The following AIM2 variants were observed in gnomAD, a reference collection of about 807,000 sequenced individuals.
AIM2 encodes the protein absent in melanoma 2.
Under a neutral mutation model 27.7 loss-of-function variants are expected in AIM2, and 30 were observed. The ratio of observed to expected loss-of-function variants is 1.08; its 90% CI spans 0.81 to 1.47. The LOEUF is 1.47. AIM2 is among the 40% of genes most tolerant of loss of function. AIM2 has a pLI of 0.00. For missense variants in AIM2, 358 were observed against 411.3 expected, an observed-to-expected ratio of 0.87 and a Z score of 1.12; for synonymous variants, 141 against 145.3, an observed-to-expected ratio of 0.97 and a Z score of 0.21.
intron 1 of AIM2, among the ~76,000 whole-genome samples, chr1:159,139,660 G>T (rs1648074319): frequency 6.6e-6 from 1 of 152,162 alleles, no homozygotes; most frequent in Non-Finnish European, 1.5e-5. Flanking sequence ...GGAATTATCT[G>T]TGGATTTTAA....
chr1:159,069,358 T>C (rs1656251872), intron 2 of AIM2, among the ~76,000 whole-genome samples: 1 of 152,072 alleles, frequency 6.6e-6, no homozygotes, highest in Non-Finnish European at 1.5e-5. Flanking sequence ...ATAATGTACA[T>C]AAATATTCAT....
At chr1:159,134,397 T>G (rs976876308) in intron 1 of AIM2, among the ~76,000 whole-genome samples, 1 of 152,224 alleles carries the variant, frequency 6.6e-6, no homozygotes, top group African/African-American at 2.4e-5. Flanking sequence ...CTTAAAATCT[T>G]TCAGTGGTTT....
chr1:159,059,866 T>C (rs1048157091), downstream of AIM2, among the ~76,000 whole-genome samples: 1 of 152,188 alleles, frequency 6.6e-6, no homozygotes, highest in Non-Finnish European at 1.5e-5. Context: ...AATGCCTTGA[T>C]CGCACCGTGT....
rs1656506616 is a variant in AIM2 at position 159,074,442 on chromosome 1, T to C, written c.-20-923A>G. On this transcript the variant is annotated intron_variant, in intron 1 of 5. Coordinates refer to ENST00000368130, the MANE Select transcript of AIM2 (RefSeq NM_004833.3). ...AATCATATGTTAAAAAGACTGTCAT[T>C]TTTAATGATTTTTTTTTTTACCTTT... is the stretch of plus-strand genomic sequence containing the variant. Among the ~76,000 whole-genome samples the C allele has an allele frequency of 2.6e-5, 4 of 151,358 alleles. No homozygotes were observed. The South Asian group carries it at 8.3e-4, about 31-fold the overall frequency.
At chr1:159,065,309 C>T (rs974720575) in intron 4 of AIM2, among the ~76,000 whole-genome samples, 4 of 152,176 alleles carry the variant, frequency 2.6e-5, no homozygotes, top group African/African-American at 9.7e-5. Flanking sequence ...AAGTGAGGAG[C>T]GCCTCTGCCC....
At position 159,111,728 on chromosome 1, in the gene AIM2, C is replaced by T. The variant is rs552166235; in HGVS notation, c.-16+28703G>A. Among the ~76,000 whole-genome samples the T allele has an allele frequency of 7.8e-4, 116 of 148,252 alleles. 1 individual carries two copies. Among genetic ancestry groups the T allele is most frequent in the Middle Eastern group, 7.0e-3 (2 of 284 alleles). ...AATGCAGTGCCTCACTTTGGGAGGC[C>T]GAAGCGGGTGGATTGCTTCAGGCCA... On this transcript the variant is annotated intron_variant, in intron 1 of 2. Coordinates refer to the AIM2 transcript ENST00000368129.
chr1:159,082,215 C>T (rs538493080), intron 1 of AIM2, among the ~76,000 whole-genome samples: 2 of 152,154 alleles, frequency 1.3e-5, no homozygotes, highest in Non-Finnish European at 2.9e-5. Flanking sequence ...TTGAGGAAAA[C>T]AATTTTCAGC....
intron 1 of AIM2, among the ~76,000 whole-genome samples, chr1:159,114,984 G>A (rs373257936): frequency 4.6e-5 from 7 of 152,104 alleles, no homozygotes; most frequent in African/African-American, 1.4e-4. Context: ...CTTCAGCAAA[G>A]TCTCAGGATA....
At chr1:159,105,476 A>C (rs1198206971) in intron 1 of AIM2, among the ~76,000 whole-genome samples, 4 of 152,158 alleles carry the variant, frequency 2.6e-5, no homozygotes, top group African/African-American at 9.7e-5. Context: ...GCGGTCCTGA[A>C]TTCTTGCCCC....
chr1:159,101,492 T>C (rs1383990790), intron 1 of AIM2, among the ~76,000 whole-genome samples: 3 of 152,166 alleles, frequency 2.0e-5, no homozygotes, highest in Non-Finnish European at 4.4e-5. Context: ...GCTGTAAAGA[T>C]ACCCGAAAAT....
intron 1 of AIM2, among the ~76,000 whole-genome samples, chr1:159,109,030 T>C (rs988047677): frequency 1.1e-4 from 16 of 152,100 alleles, no homozygotes; most frequent in Admixed American, 3.3e-4. Flanking sequence ...TTCACAGAAT[T>C]AGAAAAAACA....
At position 159,139,076 on chromosome 1, in the gene AIM2, C is replaced by T. The variant is rs73023768; in HGVS notation, c.-16+1355G>A. 2.2e-3 allele frequency among the ~76,000 whole-genome samples: 336 copies of T among 152,324 alleles called. 4 individuals are homozygous for T. The highest frequency in any genetic ancestry group is 7.1e-3 in the African/African-American group (295 of 41,558). The stretch of plus-strand genomic sequence containing the variant: ...ATCTTTTCCCCAGTCCTGGTGATAT[C>T]CTTCAAGTCTCCAAAACACCACCCC... On this transcript the variant is annotated intron_variant, in intron 1 of 2. Transcript: ENST00000368129.
chr1:159,058,156 C>A (rs1046619019), downstream of AIM2, among the ~76,000 whole-genome samples: 1 of 152,126 alleles, frequency 6.6e-6, no homozygotes, highest in African/African-American at 2.4e-5. Context: ...GAGTTCGAGA[C>A]CAGCCTGGCC....
chr1:159,081,111 T>C (rs191496332), upstream of AIM2: 1 of 229,426 alleles, frequency 4.4e-6, no homozygotes, highest in African/African-American at 2.3e-5. Context: ...TACACATAAA[T>C]ATCACAGTGA....
At chr1:159,103,653 G>A (rs1557905390) in intron 1 of AIM2, among the ~76,000 whole-genome samples, 1 of 152,136 alleles carries the variant, frequency 6.6e-6, no homozygotes, top group Non-Finnish European at 1.5e-5. Context: ...TATTTTTAAG[G>A]TGGTGCTTAC....
intron 1 of AIM2, among the ~76,000 whole-genome samples, chr1:159,102,039 CA>C (rs1356384474): frequency 1.3e-5 from 2 of 152,204 alleles, no homozygotes; most frequent in Non-Finnish European, 2.9e-5. Context: ...CAGCCCCTCC[CA>C]TCACAGCCTC....
At chr1:159,103,873 G>C (rs374675238) in intron 1 of AIM2, among the ~76,000 whole-genome samples, 2 of 152,050 alleles carry the variant, frequency 1.3e-5, no homozygotes, top group South Asian at 4.1e-4. Flanking sequence ...CCAGCCAAAG[G>C]AGGATGTAAG....
At chr1:159,099,423 G>C (rs1657266008) in intron 1 of AIM2, among the ~76,000 whole-genome samples, 1 of 152,182 alleles carries the variant, frequency 6.6e-6, no homozygotes, top group African/African-American at 2.4e-5. Context: ...AAAATGCATA[G>C]ATGTGAGATT....
At chr1:159,141,984 G>A (rs778895421), upstream of AIM2, among the ~76,000 whole-genome samples, 6 of 152,116 alleles carry the variant, frequency 3.9e-5, no homozygotes, top group Admixed American at 2.6e-4. Context: ...GGGATGATAC[G>A]AAAATCTCTC....
Sources: gnomAD v4.1 joint callset for allele counts (sites outside exome capture counted in the v4.1 genomes callset) on GRCh38, gnomAD v4.1.1 for gene constraint, MANE v1.5 for transcripts, NCBI Gene and HGNC (gene_info 2026-07-23, HGNC 2026-07-21) for gene names.